Variants in DYSF observed in about 807,000 individuals in gnomAD.
The protein encoded by DYSF is dystrophy-associated fer-1-like 1.
DYSF carries 212 observed loss-of-function variants against 274.9 expected under a neutral mutation model. The ratio of observed to expected loss-of-function variants is 0.77; its 90% CI spans 0.69 to 0.86. The LOEUF (loss-of-function observed/expected upper bound fraction) is 0.86. Among genes scored for constraint, DYSF ranks in the 40% least tolerant of loss-of-function variants. DYSF has a pLI of 0.00. For synonymous variants in DYSF, 1,091 were observed against 1,078.7 expected (o/e 1.01, Z -0.22); for missense variants, 2,666 against 2,783.2 (o/e 0.96, Z 0.95).
Position 71,551,222 on chromosome 2 carries a change from C to T in DYSF, c.1692+66C>T, listed in dbSNP as rs149720799. 3.3e-3 allele frequency: 5,131 copies of T among 1,538,454 alleles called. 164 individuals carry two copies. The Admixed American group carries it at 0.062, about 19-fold the overall frequency. On this transcript the variant is annotated intron_variant, in intron 18 of 55. Transcript: ENST00000410020. Reference sequence around the variant, plus strand: ...GCCCAGGTCCCTCAGGAGCCCAGGCCTGCATGCAGGGTCTTCCAGCCCCTC... The same window carrying T: ...GCCCAGGTCCCTCAGGAGCCCAGGCTTGCATGCAGGGTCTTCCAGCCCCTC...
intron 51 of DYSF, among the ~76,000 whole-genome samples, chr2:71,672,744 C>A (rs965936353): frequency 2.0e-5 from 3 of 152,186 alleles, no homozygotes; most frequent in Non-Finnish European, 2.9e-5. Context: ...AGGCTGCTGG[C>A]GGGCCATGCA....
chr2:71,648,338 G>A (rs1390800014), intron 42 of DYSF, among the ~76,000 whole-genome samples: 1 of 152,140 alleles, frequency 6.6e-6, no homozygotes, highest in Middle Eastern at 3.2e-3. Context: ...AAAACGTGAA[G>A]TTGGAAGGAG....
intron 3 of DYSF, among the ~76,000 whole-genome samples, chr2:71,496,035 C>T (rs1053066335): frequency 2.0e-5 from 3 of 151,802 alleles, no homozygotes; most frequent in South Asian, 2.1e-4. Context: ...CCTTCTCTTC[C>T]ACCTCCCCTC....
chr2:71,643,873 G>C (rs970651446), intron 41 of DYSF, 92 bp from the exon 42 acceptor site: 3 of 949,618 alleles, frequency 3.2e-6, no homozygotes, highest in African/African-American at 1.6e-5. Context: ...GGTCCAGAGC[G>C]GCCTAGCAGC....
intron 7 of DYSF, among the ~76,000 whole-genome samples, chr2:71,514,970 A>C (rs2152733473): frequency 6.7e-6 from 1 of 148,574 alleles, no homozygotes; most frequent in Non-Finnish European, 1.5e-5. Context: ...TATGCAATTT[A>C]CAAAAAAAAA....
intron 42 of DYSF, among the ~76,000 whole-genome samples, chr2:71,647,175 A>G (rs1390717979): frequency 1.3e-5 from 2 of 152,200 alleles, no homozygotes; most frequent in Non-Finnish European, 2.9e-5. Context: ...AGCAGACAAC[A>G]AATACATAAG....
intron 45 of DYSF, among the ~76,000 whole-genome samples, chr2:71,661,259 T>C (rs1364154132): frequency 6.6e-6 from 1 of 151,978 alleles, no homozygotes; most frequent in Non-Finnish European, 1.5e-5. Flanking sequence ...ACAGAGACAG[T>C]GCATAATTTC....
chr2:71,454,035 C>G, exon 1 of DYSF: 1 of 1,614,168 alleles, frequency 6.2e-7, no homozygotes. Flanking sequence ...CGAGAACGTC[C>G]ACACACCCGA....
intron 36 of DYSF, among the ~76,000 whole-genome samples, chr2:71,605,357 T>C (rs1311598183): frequency 1.3e-5 from 2 of 152,226 alleles, no homozygotes; most frequent in African/African-American, 2.4e-5. Context: ...GGAGAATGTG[T>C]GCATGCACGT....
intron 17 of DYSF, among the ~76,000 whole-genome samples, chr2:71,543,680 C>T (rs931753997): frequency 2.0e-5 from 3 of 152,200 alleles, no homozygotes; most frequent in South Asian, 2.1e-4. Flanking sequence ...GCCAACACAG[C>T]GAAACCCCAT....
chr2:71,466,681 C>G, upstream of DYSF: 1 of 1,357,556 alleles, frequency 7.4e-7, no homozygotes. Context: ...TCCCTGCAGC[C>G]TCTCCCAGGC....
At chr2:71,525,046 T>C (rs2087704440) in intron 12 of DYSF, among the ~76,000 whole-genome samples, 1 of 152,184 alleles carries the variant, frequency 6.6e-6, no homozygotes, top group Non-Finnish European at 1.5e-5. Flanking sequence ...TGCATTTTAA[T>C]TGGAATGCAC....
chr2:71,511,775 C>T, intron 4 of DYSF, 32 bp from the exon 5 acceptor site: 1 of 1,374,530 alleles, frequency 7.3e-7, no homozygotes, highest in South Asian at 1.2e-5. Flanking sequence ...GGCCAGCGCA[C>T]CAACCTGTCC....
chr2:71,571,985 AT>A (rs1474023851), intron 29 of DYSF, among the ~76,000 whole-genome samples: 9 of 145,052 alleles, frequency 6.2e-5, no homozygotes, highest in African/African-American at 2.4e-4. Context: ...CATGGATCAC[AT>A]CCAGCACACC....
At chr2:71,568,375 C>A (rs767339250) in intron 26 of DYSF, 37 bp downstream of exon 26, 2 of 1,610,000 alleles carry the variant, frequency 1.2e-6, no homozygotes, top group Non-Finnish European at 1.7e-6. Context: ...GAGAGCCAGG[C>A]CAGGCTGCCC....
At position 71,600,857 on chromosome 2, in the gene DYSF, T is replaced by C. The variant is rs755398490; in HGVS notation, c.3897+15T>C. ...AGAGAGAGAAGGTGAGGCTGGTCTATATCCAGATCCAGGAGGCCCAGGCAG... is the reference window on the plus strand; with the variant it reads ...AGAGAGAGAAGGTGAGGCTGGTCTACATCCAGATCCAGGAGGCCCAGGCAG... On this transcript the variant is annotated intron_variant, in intron 34 of 55. Transcript: ENST00000410020. 10 of 1,607,540 alleles carry C rather than the reference T, an allele frequency of 6.2e-6. No homozygotes were observed. Among genetic ancestry groups the C allele is most frequent in the Non-Finnish European group, 8.5e-6 (10 of 1,179,868 alleles).
At chr2:71,520,031 C>T (rs1573696223) in intron 10 of DYSF, 147 bp from the exon 11 acceptor site, 15 of 877,060 alleles carry the variant, frequency 1.7e-5, no homozygotes, top group South Asian at 1.2e-4. Context: ...ATTTCATTTT[C>T]TTTTCATGTA....
Position 71,554,004 on chromosome 2 carries a change from A to T in DYSF, c.2109+73A>T, listed in dbSNP as rs190289076. Reference sequence around the variant, plus strand: ...CTACCCCCGCTGCATGGGGTGTCTCAGACCACCACCCACTGGTGCACACAC... The same window carrying T: ...CTACCCCCGCTGCATGGGGTGTCTCTGACCACCACCCACTGGTGCACACAC... On this transcript the variant is annotated intron_variant, in intron 21 of 55. Transcript: ENST00000410020. 46 of 1,606,742 alleles carry T rather than the reference A, an allele frequency of 2.9e-5. No homozygotes were observed. In the Admixed American group the frequency reaches 7.0e-4, roughly 24 times the overall value.
At chr2:71,530,133 C>A (rs2088503293) in intron 14 of DYSF, among the ~76,000 whole-genome samples, 1 of 151,976 alleles carries the variant, frequency 6.6e-6, no homozygotes, top group African/African-American at 2.4e-5. Context: ...GGGTCCAGGT[C>A]TTACGCCCTG....
Sources: allele counts gnomAD v4.1 joint callset (sites outside exome capture counted in the v4.1 genomes callset), GRCh38; gene constraint gnomAD v4.1.1; transcripts MANE v1.5; gene names NCBI Gene and HGNC (gene_info 2026-07-23, HGNC 2026-07-21).